Variants in CDKL1 observed in about 807,000 individuals in gnomAD.
CDKL1 encodes cyclin dependent kinase like 1.
CDKL1 carries 41 observed loss-of-function variants against 42.0 expected under a neutral mutation model. That is an observed-to-expected ratio of 0.98 (90% CI 0.76 to 1.27). The LOEUF (loss-of-function observed/expected upper bound fraction) is 1.27. Among genes scored for constraint, CDKL1 ranks in the 50% most tolerant of loss-of-function variants. CDKL1 has a pLI of 0.00. For missense variants in CDKL1, 394 were observed against 428.4 expected (o/e 0.92, Z 0.71); for synonymous variants, 153 against 158.6 (o/e 0.96, Z 0.26).
chr14:50,336,076 TATC>T, intron 7 of CDKL1: 1 of 1,366,392 alleles, frequency 7.3e-7, no homozygotes, highest in African/African-American at 1.5e-5. Context: ...GCCATTGCTA[TATC>T]ATCGAGCTCT....
At chr14:50,382,461 T>A (rs1456921492) in intron 2 of CDKL1, among the ~76,000 whole-genome samples, 1 of 148,214 alleles carries the variant, frequency 6.7e-6, no homozygotes, top group Non-Finnish European at 1.5e-5. Context: ...AAAAAAAAAT[T>A]TTTTTTTTTC....
At chr14:50,332,776 A>G in intron 8 of CDKL1, 1 of 935,830 alleles carries the variant, frequency 1.1e-6, no homozygotes. Flanking sequence ...CCTTGCATGT[A>G]CTTTGTAAAA....
rs1025189849 is a variant in CDKL1, at chr14:50,329,973, T to C, written c.*101A>G. The C allele has an allele frequency of 2.0e-5, 27 of 1,375,960 alleles. No individual in the cohort carries two copies. The African/African-American group carries it at 4.1e-4, about 21-fold the overall frequency. 85.2% of individuals were successfully genotyped at this position (1,375,960 alleles called of 1,614,324 possible). On this transcript the variant is annotated 3_prime_UTR_variant, in exon 10 of 10. Coordinates refer to ENST00000395834, the MANE Select transcript of CDKL1 (RefSeq NM_004196.7). ...GTTTCTTGCTTATGTTTTCTCCTGGTGTGTTTTCAACATTGTAATTGTTTT... is the reference window on the plus strand; with the variant it reads ...GTTTCTTGCTTATGTTTTCTCCTGGCGTGTTTTCAACATTGTAATTGTTTT...
intron 9 of CDKL1, chr14:50,331,122 A>T (rs1036891121): frequency 6.6e-6 from 1 of 152,326 alleles, no homozygotes; most frequent in African/African-American, 2.4e-5. Flanking sequence ...AATCCCAGCT[A>T]CTGGGGAGGC....
intron 2 of CDKL1, among the ~76,000 whole-genome samples, chr14:50,364,250 C>A (rs1174942881): frequency 6.6e-6 from 1 of 152,192 alleles, no homozygotes; most frequent in Non-Finnish European, 1.5e-5. Flanking sequence ...CAGGCGGATG[C>A]CTGAGTTTAG....
intron 6 of CDKL1, 119 bp downstream of exon 6, chr14:50,340,913 T>C (rs1424771319): frequency 1.9e-6 from 2 of 1,038,816 alleles, no homozygotes; most frequent in Non-Finnish European, 2.7e-6. Flanking sequence ...CTTCGAGTTT[T>C]CCTCTTTCCT....
At chr14:50,351,808 A>T (rs745749766) in intron 3 of CDKL1, among the ~76,000 whole-genome samples, 1 of 152,136 alleles carries the variant, frequency 6.6e-6, no homozygotes, top group Non-Finnish European at 1.5e-5. Context: ...TTTTAAAACA[A>T]GGCAAGTGTT....
At chr14:50,389,749 C>T (rs184338062) in intron 2 of CDKL1, among the ~76,000 whole-genome samples, 2 of 152,216 alleles carry the variant, frequency 1.3e-5, no homozygotes. Flanking sequence ...ACTCAGGCCT[C>T]CACAGAAGCC....
At chr14:50,387,907 G>GT (rs1156790008) in intron 2 of CDKL1, among the ~76,000 whole-genome samples, 1 of 151,920 alleles carries the variant, frequency 6.6e-6, no homozygotes, top group Non-Finnish European at 1.5e-5. Context: ...TGTTTGTTTT[G>GT]TTTTTTTGAG....
At chr14:50,372,555 C>T (rs2034620188) in intron 2 of CDKL1, among the ~76,000 whole-genome samples, 1 of 152,150 alleles carries the variant, frequency 6.6e-6, no homozygotes, top group Non-Finnish European at 1.5e-5. Context: ...TTCATGTAAT[C>T]CAAATTGTCC....
chr14:50,364,313 A>G (rs1343736453), intron 2 of CDKL1, among the ~76,000 whole-genome samples: 1 of 152,172 alleles, frequency 6.6e-6, no homozygotes, highest in Non-Finnish European at 1.5e-5. Flanking sequence ...TACTAAAACT[A>G]CAAAAATTAG....
chr14:50,332,929 A>AT (rs2033046369), intron 8 of CDKL1: 2 of 304,312 alleles, frequency 6.6e-6, no homozygotes, highest in African/African-American at 6.4e-5. Context: ...TTTTTGGTGT[A>AT]TCCCTCCAGA....
intron 3 of CDKL1, among the ~76,000 whole-genome samples, chr14:50,347,862 G>A (rs1290048323): frequency 1.3e-5 from 2 of 152,134 alleles, no homozygotes; most frequent in African/African-American, 2.4e-5. Context: ...AAGAGGAAGG[G>A]GACCCCACAA....
At chr14:50,346,945 G>A (rs532768048) in intron 3 of CDKL1, among the ~76,000 whole-genome samples, 50 of 152,086 alleles carry the variant, frequency 3.3e-4, no homozygotes, top group African/African-American at 1.2e-3. Context: ...CACCATGCCC[G>A]GCCTGCAAAT....
At chr14:50,340,917 C>A in intron 6 of CDKL1, 115 bp downstream of exon 6, 1 of 1,100,954 alleles carries the variant, frequency 9.1e-7, no homozygotes, top group Non-Finnish European at 1.3e-6. Flanking sequence ...GAGTTTTCCT[C>A]TTTCCTAACT....
chr14:50,391,063 G>A (rs1394975413), intron 2 of CDKL1, among the ~76,000 whole-genome samples: 1 of 152,120 alleles, frequency 6.6e-6, no homozygotes, highest in Non-Finnish European at 1.5e-5. Context: ...TTGAACTCAT[G>A]GGCTCGAGAG....
At position 50,362,287 on chromosome 14, in the gene CDKL1, G is replaced by A. The variant is rs533027937; in HGVS notation, c.169-3138C>T. Reference sequence around the variant, plus strand: ...CAAGGACTGAGGAGTGCGGGCGCACGGCATGGGACTGGCAGGCAGCTCCAC... The same window carrying A: ...CAAGGACTGAGGAGTGCGGGCGCACAGCATGGGACTGGCAGGCAGCTCCAC... On this transcript the variant is annotated intron_variant, in intron 2 of 9. Transcript: ENST00000395834. The A allele has an allele frequency of 3.3e-5, 12 of 364,204 alleles. No homozygotes were observed. In the East Asian group the frequency reaches 4.0e-4, roughly 12 times the overall value. The allele number at this position is 364,204 out of a possible 1,614,324, so 22.6% of individuals were successfully genotyped here. A position where few individuals can be genotyped will look rare whatever the true frequency, so the allele number is the denominator to read the frequency against.
At position 50,328,938 on chromosome 14, in the gene CDKL1, T is replaced by C. The variant is rs569227431; in HGVS notation, c.*1136A>G. On this transcript the variant is annotated 3_prime_UTR_variant, in exon 10 of 10. Transcript: ENST00000395834. ...TATATATAAAAAACACATATATATA[T>C]ATGTGTGTGTGTGTCATCATTTTAA... 11 of 149,202 alleles carry C rather than the reference T, an allele frequency of 7.4e-5. No homozygotes were observed. Among genetic ancestry groups the C allele is most frequent in the Non-Finnish European group, 1.3e-4 (9 of 67,412 alleles). 9.2% of individuals were successfully genotyped at this position (149,202 alleles called of 1,614,324 possible). A position where few individuals can be genotyped will look rare whatever the true frequency, so the allele number is the denominator to read the frequency against.
intron 7 of CDKL1, among the ~76,000 whole-genome samples, chr14:50,337,832 CA>C (rs1477412051): frequency 6.6e-6 from 1 of 151,782 alleles, no homozygotes; most frequent in Non-Finnish European, 1.5e-5. Flanking sequence ...AGGTGCGTGC[CA>C]CCATGCTAGG....
Sources: allele counts gnomAD v4.1 joint callset (sites outside exome capture counted in the v4.1 genomes callset), GRCh38; gene constraint gnomAD v4.1.1; transcripts MANE v1.5; gene names NCBI Gene and HGNC (gene_info 2026-07-23, HGNC 2026-07-21).